Variants in ADAMTS3 observed in about 807,000 individuals in gnomAD.
The protein encoded by ADAMTS3 is A disintegrin and metalloproteinase with thrombospondin motifs 3.
Under a neutral mutation model 129.0 loss-of-function variants are expected in ADAMTS3, and 73 were observed. The observed-to-expected ratio is 0.57, with a 90% CI of 0.47 to 0.69. The LOEUF (loss-of-function observed/expected upper bound fraction) is 0.69. Among genes scored for constraint, ADAMTS3 ranks in the 30% least tolerant of loss-of-function variants. The pLI is 0.00. For synonymous variants in ADAMTS3, 477 were observed against 510.8 expected, an observed-to-expected ratio of 0.93 and a Z score of 0.89; for missense variants, 1,457 against 1,514.5, an observed-to-expected ratio of 0.96 and a Z score of 0.63.
chr4:72,488,126 T>C (rs989432876), intron 3 of ADAMTS3, among the ~76,000 whole-genome samples: 1 of 152,042 alleles, frequency 6.6e-6, no homozygotes, highest in African/African-American at 2.4e-5. Context: ...TTAACCATGA[T>C]CCTGTTGAGT....
intron 3 of ADAMTS3, among the ~76,000 whole-genome samples, chr4:72,495,773 A>G (rs971468206): frequency 1.3e-5 from 2 of 152,194 alleles, no homozygotes; most frequent in African/African-American, 2.4e-5. Context: ...AGAACATTAC[A>G]AACAATTTTG....
chr4:72,367,578 C>T (rs1720899100), intron 4 of ADAMTS3, among the ~76,000 whole-genome samples: 1 of 152,108 alleles, frequency 6.6e-6, no homozygotes, highest in Non-Finnish European at 1.5e-5. Flanking sequence ...TTAAAATATA[C>T]ATTTTTAAAG....
rs576975486 is a variant in ADAMTS3, at chr4:72,289,014, C to T, written c.2932-146G>A. The T allele has an allele frequency of 8.7e-6, 5 of 574,070 alleles. No homozygotes were observed. In the South Asian group the frequency reaches 1.1e-4, roughly 13 times the overall value. The allele number at this position is 574,070 out of a possible 1,614,324, so 35.6% of individuals were successfully genotyped here. On this transcript the variant is annotated intron_variant, in intron 20 of 21. Coordinates refer to ENST00000286657, the MANE Select transcript of ADAMTS3 (RefSeq NM_014243.3). ...GGGTTCTCTATTAAGTAATGCTGCACAGTGGTTTTGAAGACAGATACTACT... is the reference window on the plus strand; with the variant it reads ...GGGTTCTCTATTAAGTAATGCTGCATAGTGGTTTTGAAGACAGATACTACT...
intron 3 of ADAMTS3, among the ~76,000 whole-genome samples, chr4:72,527,270 A>C (rs1720840426): frequency 6.6e-6 from 1 of 152,154 alleles, no homozygotes; most frequent in South Asian, 2.1e-4. Context: ...GCATTTCCTT[A>C]CAGAAACCTT....
chr4:72,536,466 A>G (rs953396582), intron 3 of ADAMTS3, among the ~76,000 whole-genome samples: 3 of 152,224 alleles, frequency 2.0e-5, no homozygotes, highest in Non-Finnish European at 4.4e-5. Context: ...CATTATTATT[A>G]ATCACAAAAT....
chr4:72,333,590 G>A (rs186586264), intron 5 of ADAMTS3, among the ~76,000 whole-genome samples: 1 of 151,962 alleles, frequency 6.6e-6, no homozygotes, highest in South Asian at 2.1e-4. Flanking sequence ...AGCAGGAACC[G>A]ACCCTCAGTG....
At chr4:72,408,832 A>G (rs548048873) in intron 4 of ADAMTS3, among the ~76,000 whole-genome samples, 1 of 152,242 alleles carries the variant, frequency 6.6e-6, no homozygotes, top group East Asian at 1.9e-4. Flanking sequence ...TCAGCAAACT[A>G]TCACAAGACC....
chr4:72,561,056 TA>T (rs1455187883), intron 2 of ADAMTS3, among the ~76,000 whole-genome samples: 2 of 151,970 alleles, frequency 1.3e-5, no homozygotes, highest in Non-Finnish European at 1.5e-5. Flanking sequence ...GATTTTAGAT[TA>T]AGAAATGGGG....
chr4:72,425,678 G>A (rs1161896388), intron 3 of ADAMTS3, among the ~76,000 whole-genome samples: 1 of 151,910 alleles, frequency 6.6e-6, no homozygotes, highest in East Asian at 1.9e-4. Flanking sequence ...CTTTTTTATG[G>A]CTGCATAGTA....
intron 4 of ADAMTS3, among the ~76,000 whole-genome samples, chr4:72,396,665 A>T (rs1411002494): frequency 6.6e-6 from 1 of 152,236 alleles, no homozygotes; most frequent in Admixed American, 6.5e-5. Flanking sequence ...AAAGATGGAC[A>T]CATGACATTA....
intron 4 of ADAMTS3, among the ~76,000 whole-genome samples, chr4:72,399,275 T>TA (rs1341958316): frequency 1.3e-5 from 2 of 151,708 alleles, no homozygotes; most frequent in Non-Finnish European, 2.9e-5. Context: ...ACAAAAAAAG[T>TA]AAAAGAAATT....
At chr4:72,390,435 T>G (rs571708068) in intron 4 of ADAMTS3, among the ~76,000 whole-genome samples, 50 of 152,316 alleles carry the variant, frequency 3.3e-4, no homozygotes, top group African/African-American at 1.1e-3. Flanking sequence ...GTGTGAAAAC[T>G]GAGGCACAGA....
At chr4:72,400,252 G>GTA (rs1443239999) in intron 4 of ADAMTS3, among the ~76,000 whole-genome samples, 3 of 146,242 alleles carry the variant, frequency 2.1e-5, no homozygotes, top group Admixed American at 1.3e-4. Flanking sequence ...CACATGGTGT[G>GTA]TATATACGTG....
At chr4:72,382,986 C>A (rs1054807876) in intron 4 of ADAMTS3, among the ~76,000 whole-genome samples, 7 of 151,950 alleles carry the variant, frequency 4.6e-5, no homozygotes, top group African/African-American at 1.7e-4. Context: ...TGCACTATAC[C>A]CATGTAACAA....
Position 72,530,357 on chromosome 4 carries a change from A to G in ADAMTS3, c.504+18121T>C, listed in dbSNP as rs1264874561. Among the ~76,000 whole-genome samples, 3 of 85,140 alleles carry G rather than the reference A, an allele frequency of 3.5e-5. No individual in the cohort carries two copies. In the Admixed American group the frequency reaches 6.7e-4, roughly 19 times the overall value. The allele number at this position is 85,140 out of a possible 152,430, so 55.9% of individuals were successfully genotyped here. A position where few individuals can be genotyped will look rare whatever the true frequency, so the allele number is the denominator to read the frequency against. On this transcript the variant is annotated intron_variant, in intron 3 of 21. Transcript: ENST00000286657. ...TATAATATATAATATATATTAAATT[A>G]ATATATAAATATAATATATAATATA... is the stretch of plus-strand genomic sequence containing the variant.
chr4:72,352,073 T>C (rs1302075521), intron 4 of ADAMTS3, among the ~76,000 whole-genome samples: 1 of 152,010 alleles, frequency 6.6e-6, no homozygotes, highest in East Asian at 1.9e-4. Flanking sequence ...TTCTGTTATA[T>C]CTAAGTTCAT....
At chr4:72,411,376 G>A (rs1255441981) in intron 4 of ADAMTS3, among the ~76,000 whole-genome samples, 1 of 152,020 alleles carries the variant, frequency 6.6e-6, no homozygotes, top group Non-Finnish European at 1.5e-5. Context: ...CACAATTTTT[G>A]TTTTGCTTCT....
chr4:72,468,019 A>G (rs1010393830), intron 3 of ADAMTS3, among the ~76,000 whole-genome samples: 1 of 152,104 alleles, frequency 6.6e-6, no homozygotes, highest in Non-Finnish European at 1.5e-5. Flanking sequence ...ATTTTGTTCC[A>G]GCAGCCACAC....
intron 3 of ADAMTS3, among the ~76,000 whole-genome samples, chr4:72,467,396 TA>T (rs1481934495): frequency 2.6e-5 from 4 of 152,068 alleles, no homozygotes; most frequent in African/African-American, 9.7e-5. Context: ...GTGATCCTCC[TA>T]AAATGCAAGA....
Sources: allele counts gnomAD v4.1 joint callset (sites outside exome capture counted in the v4.1 genomes callset), GRCh38; gene constraint gnomAD v4.1.1; transcripts MANE v1.5; gene names NCBI Gene and HGNC (gene_info 2026-07-23, HGNC 2026-07-21).